SYNE1: variants seen among roughly 807,000 people sequenced by gnomAD.
SYNE1 encodes the protein nesprin-1.
Under a neutral mutation model 1,111.0 loss-of-function variants are expected in SYNE1, and 616 were observed. The observed-to-expected ratio is 0.55, with a 90% CI of 0.52 to 0.59. SYNE1 has a LOEUF of 0.59. Among genes scored for constraint, SYNE1 ranks in the 20% least tolerant of loss-of-function variants. The pLI is 0.00. For synonymous variants in SYNE1, 3,855 were observed against 3,825.8 expected (o/e 1.01, Z -0.28); for missense variants, 10,006 against 10,417.0 (o/e 0.96, Z 1.72).
At chr6:152,290,354 C>A (rs111656910) in intron 95 of SYNE1, among the ~76,000 whole-genome samples, 1 of 152,046 alleles carries the variant, frequency 6.6e-6, no homozygotes, top group Non-Finnish European at 1.5e-5. Context: ...GTCAGGAGTT[C>A]GAGACCAGCC....
chr6:152,130,677 C>G, intron 145 of SYNE1, 43 bp downstream of exon 145: 2 of 1,608,638 alleles, frequency 1.2e-6, no homozygotes, highest in Admixed American at 3.3e-5. Context: ...TCATCATCCT[C>G]TTGGGGTTCT....
At chr6:152,125,492 T>C (rs904994890) in intron 145 of SYNE1, 3 of 1,182,304 alleles carry the variant, frequency 2.5e-6, no homozygotes, top group Non-Finnish European at 3.4e-6. Flanking sequence ...TTTGCAATGA[T>C]TCAATGGTTT....
intron 63 of SYNE1, among the ~76,000 whole-genome samples, 174 bp downstream of exon 63, chr6:152,364,666 GGGAAGGA>G (rs1192030269): frequency 4.6e-5 from 6 of 130,262 alleles, no homozygotes; most frequent in South Asian, 2.6e-4. Flanking sequence ...GAGTGAGGGA[GGGAAGGA>G]GGAAGGAGGA....
intron 137 of SYNE1, chr6:152,144,072 T>G: frequency 2.4e-6 from 1 of 414,298 alleles, no homozygotes; most frequent in African/African-American, 2.0e-5. Flanking sequence ...CTGAATGTTG[T>G]CAGTGTGGAA....
chr6:152,369,414 G>A (rs1276760366), intron 60 of SYNE1, 57 bp downstream of exon 60: 33 of 1,612,414 alleles, frequency 2.0e-5, no homozygotes, highest in South Asian at 3.3e-5. Context: ...CTGTAAGGTC[G>A]ACAGAGGACG....
In SYNE1 at chr6:152,331,133, G is replaced by A. The variant is rs569216024; in HGVS notation, c.13552C>T (p.Arg4518Cys). The A allele has an allele frequency of 6.2e-6, 10 of 1,613,998 alleles. No homozygotes were observed. In the African/African-American group the frequency reaches 6.7e-5, roughly 11 times the overall value. The change falls in exon 78 of 146, where the codon CGC becomes TGC. Residue 4518 changes from arginine to cysteine, a missense_variant. Transcript: ENST00000367255. ...TCTGTGACTTCCTTCATTAGTTCGCGACCCTGGGCCCAAAGTCCAGTGACT... is the reference window on the plus strand; with the variant it reads ...TCTGTGACTTCCTTCATTAGTTCGCAACCCTGGGCCCAAAGTCCAGTGACT... The part of the protein sequence containing the change: ...NEVTGLWAQG[R>C]ELMKEVTEQE...
chr6:152,377,017 A>G lies in SYNE1; in HGVS notation c.9010-105T>C, dbSNP rs1052834456. The G allele has an allele frequency of 2.5e-5, 35 of 1,392,648 alleles. No homozygotes were observed. The Admixed American group carries it at 6.3e-4, about 25-fold the overall frequency. 86.3% of individuals were successfully genotyped at this position (1,392,648 alleles called of 1,614,324 possible). A position where few individuals can be genotyped will look rare whatever the true frequency, so the allele number is the denominator to read the frequency against. ...CATATTATAAATTATTAGTGAGAGA[A>G]GAACCAACATGGTAGATTCAATGAA... On this transcript the variant is annotated intron_variant, in intron 56 of 145. Coordinates refer to ENST00000367255, the MANE Select transcript of SYNE1 (RefSeq NM_182961.4).
In SYNE1 at chr6:152,143,647, C is replaced by T. The variant is rs1356372375; in HGVS notation, c.25095G>A (p.Glu8365=). The T allele has an allele frequency of 6.2e-7, 1 of 1,614,202 alleles. No individual in the cohort carries two copies. Among genetic ancestry groups the T allele is most frequent in the South Asian group, 1.1e-5 (1 of 91,080 alleles). Residue 8365 remains glutamate, a synonymous_variant, in exon 138 of 146, where the codon GAG becomes GAA. Transcript: ENST00000367255. ...IIRSKTPTGP[E]LDTSYKGYMK... is the part of the protein sequence containing the mutation. Reference sequence around the variant, plus strand: ...CGTAGCCTTTGTAGCTGGTGTCTAGCTCCGGCCCCGTGGGAGTTTTGCTGC... The same window carrying T: ...CGTAGCCTTTGTAGCTGGTGTCTAGTTCCGGCCCCGTGGGAGTTTTGCTGC...
intron 124 of SYNE1, 51 bp downstream of exon 124, chr6:152,211,443 A>G: frequency 6.6e-7 from 1 of 1,505,190 alleles, no homozygotes; most frequent in Non-Finnish European, 9.2e-7. Context: ...TAAAAAGAAA[A>G]TGACTAATTT....
At chr6:152,359,763 T>C (rs1445998775) in intron 64 of SYNE1, among the ~76,000 whole-genome samples, 1 of 152,112 alleles carries the variant, frequency 6.6e-6, no homozygotes, top group African/African-American at 2.4e-5. Flanking sequence ...GGACCCCTGA[T>C]GTTCACCCTA....
At chr6:152,530,160 C>A (rs1371777430) in intron 4 of SYNE1, among the ~76,000 whole-genome samples, 8 of 152,236 alleles carry the variant, frequency 5.3e-5, no homozygotes. Flanking sequence ...TGGAACACAG[C>A]ATCTGAGCAC....
intron 107 of SYNE1, among the ~76,000 whole-genome samples, chr6:152,241,028 T>C (rs909470396): frequency 6.6e-6 from 1 of 152,222 alleles, no homozygotes; most frequent in Admixed American, 6.5e-5. Flanking sequence ...CCATCTCCCC[T>C]AAAAGCCTTG....
intron 126 of SYNE1, among the ~76,000 whole-genome samples, chr6:152,203,120 G>A (rs1389302314): frequency 6.6e-6 from 1 of 152,160 alleles, no homozygotes; most frequent in Non-Finnish European, 1.5e-5. Context: ...CAGCAAACTG[G>A]TAACAATGGT....
intron 104 of SYNE1, among the ~76,000 whole-genome samples, chr6:152,253,430 C>G: frequency 6.6e-6 from 1 of 152,114 alleles, no homozygotes; most frequent in Admixed American, 6.5e-5. Flanking sequence ...ATCCTCACCA[C>G]AGTCTATGAG....
Position 152,272,180 on chromosome 6 carries a change from C to T in SYNE1, c.18574-2894G>A, listed in dbSNP as rs572585404. 1.3e-4 allele frequency among the ~76,000 whole-genome samples: 20 copies of T among 152,280 alleles called. No homozygotes were observed. The South Asian group carries it at 3.3e-3, about 25-fold the overall frequency. ...GTCATTGTGAAACATAAGACTTGGA[C>T]CACAGGAAGCAAACCATGATTAAGA... On this transcript the variant is annotated intron_variant, in intron 98 of 145. Transcript: ENST00000367255.
chr6:152,341,691 C>T (rs551288122), intron 74 of SYNE1, among the ~76,000 whole-genome samples: 48 of 152,314 alleles, frequency 3.2e-4, no homozygotes, highest in African/African-American at 1.1e-3. Flanking sequence ...AGCTCACCAG[C>T]CACTAAGGGC....
chr6:152,138,386 C>T (rs1309499234), intron 140 of SYNE1, among the ~76,000 whole-genome samples: 1 of 151,988 alleles, frequency 6.6e-6, no homozygotes, highest in Non-Finnish European at 1.5e-5. Context: ...TGGTGCATGC[C>T]TGTAGTCCCA....
intron 127 of SYNE1, among the ~76,000 whole-genome samples, chr6:152,198,502 T>C (rs192653043): frequency 6.6e-6 from 1 of 152,378 alleles, no homozygotes; most frequent in East Asian, 1.9e-4. Flanking sequence ...CCTGGCTGTT[T>C]GTGGCACAAG....
intron 93 of SYNE1, among the ~76,000 whole-genome samples, chr6:152,300,066 AT>A (rs1490275232): frequency 1.3e-5 from 2 of 152,086 alleles, no homozygotes; most frequent in Non-Finnish European, 1.5e-5. Flanking sequence ...TGGTTATTTT[AT>A]TTTCCCCATT....
Sources: gnomAD v4.1 joint callset for allele counts (sites outside exome capture counted in the v4.1 genomes callset) on GRCh38, gnomAD v4.1.1 for gene constraint, MANE v1.5 for transcripts, NCBI Gene and HGNC (gene_info 2026-07-23, HGNC 2026-07-21) for gene names.